Variants in ST8SIA5 observed in about 807,000 individuals in gnomAD.
The protein encoded by ST8SIA5 is alpha-2,8-sialyltransferase 8E.
In ST8SIA5, 24 loss-of-function variants were observed where a neutral mutation model predicts 40.2. The observed-to-expected ratio is 0.60, with a 90% CI of 0.43 to 0.84. ST8SIA5 has a LOEUF of 0.84. Among genes scored for constraint, ST8SIA5 ranks in the 40% least tolerant of loss-of-function variants. The probability of loss-of-function intolerance (pLI) is 0.00; values close to 1 mark genes in which losing one functional copy is unlikely to be tolerated. For missense variants in ST8SIA5, 465 were observed against 498.5 expected, an observed-to-expected ratio of 0.93 and a Z score of 0.64; for synonymous variants, 198 against 201.8, an observed-to-expected ratio of 0.98 and a Z score of 0.16.
intron 6 of ST8SIA5, among the ~76,000 whole-genome samples, chr18:46,680,759 G>A (rs138143336): frequency 1.3e-5 from 2 of 152,302 alleles, no homozygotes; most frequent in East Asian, 3.9e-4. Flanking sequence ...GTGGCTGCAG[G>A]GGGCAGGGCA....
At chr18:46,734,003 C>T (rs2040009749) in intron 1 of ST8SIA5, among the ~76,000 whole-genome samples, 1 of 152,120 alleles carries the variant, frequency 6.6e-6, no homozygotes, top group Non-Finnish European at 1.5e-5. Context: ...GGGGCTCTGA[C>T]CGCCCTTCCC....
At chr18:46,694,440 G>C (rs1249241128) in intron 2 of ST8SIA5, among the ~76,000 whole-genome samples, 1 of 152,108 alleles carries the variant, frequency 6.6e-6, no homozygotes, top group Non-Finnish European at 1.5e-5. Context: ...GCGAAATGCA[G>C]ACAGATCATA....
intron 1 of ST8SIA5, among the ~76,000 whole-genome samples, chr18:46,748,696 G>A (rs1249700479): frequency 1.3e-5 from 2 of 151,200 alleles, no homozygotes; most frequent in Non-Finnish European, 2.9e-5. Flanking sequence ...ACAGTGAGAT[G>A]TCACCTCAAA....
intron 1 of ST8SIA5, among the ~76,000 whole-genome samples, chr18:46,734,935 TGA>T: frequency 6.6e-6 from 1 of 152,352 alleles, no homozygotes; most frequent in South Asian, 2.1e-4. Context: ...AGTGTGTCTG[TGA>T]GAGTGTTGCC....
chr18:46,697,543 AT>A (rs1379896858), intron 2 of ST8SIA5, among the ~76,000 whole-genome samples: 8 of 152,150 alleles, frequency 5.3e-5, no homozygotes, highest in Admixed American at 5.2e-4. Flanking sequence ...CTACAAAAAA[AT>A]GTTTGAAAAA....
chr18:46,740,187 T>C (rs1599148856), intron 1 of ST8SIA5, among the ~76,000 whole-genome samples: 2 of 152,056 alleles, frequency 1.3e-5, no homozygotes, highest in Admixed American at 6.6e-5. Context: ...TGATGAATAG[T>C]CTGGCAAGAA....
In ST8SIA5 at chr18:46,669,448, G is replaced by T. The variant is rs1425633411; in HGVS notation, c.*10594C>A. On this transcript the variant is annotated 3_prime_UTR_variant, in exon 7 of 7. Coordinates refer to ENST00000315087, the MANE Select transcript of ST8SIA5 (RefSeq NM_013305.6). ...CGCAGCGAAGTCCAGTAAGAAAATGGATGGTGAAGGTGTGGAGAAAGTAAA... is the reference window on the plus strand; with the variant it reads ...CGCAGCGAAGTCCAGTAAGAAAATGTATGGTGAAGGTGTGGAGAAAGTAAA... 6.6e-6 allele frequency: 1 copy of T among 152,194 alleles called. No homozygotes were observed. Among genetic ancestry groups the T allele is most frequent in the Non-Finnish European group, 1.5e-5 (1 of 68,046 alleles). 9.4% of individuals were successfully genotyped at this position (152,194 alleles called of 1,614,324 possible).
intron 1 of ST8SIA5, among the ~76,000 whole-genome samples, chr18:46,728,924 T>C (rs2039958858): frequency 6.6e-6 from 1 of 152,014 alleles, no homozygotes; most frequent in Admixed American, 6.6e-5. Context: ...TCCAGAACCT[T>C]CCAAGACTGC....
rs993382813 is a variant in ST8SIA5, at chr18:46,678,260, A to C, written c.*1782T>G. ...AGAGCTCAGAATGCAGGTGAGAGTC[A>C]GCACTGAGAACAGTGTTGTGCACAG... is the stretch of plus-strand genomic sequence containing the variant. On this transcript the variant is annotated 3_prime_UTR_variant, in exon 7 of 7. Transcript: ENST00000315087. The C allele has an allele frequency of 2.6e-5, 4 of 152,304 alleles. No individual in the cohort carries two copies. Among genetic ancestry groups the C allele is most frequent in the Non-Finnish European group, 4.4e-5 (3 of 68,082 alleles). 9.4% of individuals were successfully genotyped at this position (152,304 alleles called of 1,614,324 possible). A position where few individuals can be genotyped will look rare whatever the true frequency, so the allele number is the denominator to read the frequency against.
chr18:46,730,926 A>C (rs892775524), intron 1 of ST8SIA5, among the ~76,000 whole-genome samples: 1 of 152,190 alleles, frequency 6.6e-6, no homozygotes, highest in Non-Finnish European at 1.5e-5. Context: ...GGCTGCACTG[A>C]GCTATGATTG....
chr18:46,741,544 T>C (rs2040086493), intron 1 of ST8SIA5, among the ~76,000 whole-genome samples: 1 of 152,202 alleles, frequency 6.6e-6, no homozygotes, highest in Non-Finnish European at 1.5e-5. Flanking sequence ...AGACTGATTT[T>C]AAAACCAGGC....
At chr18:46,688,747 C>T (rs750450526) in intron 4 of ST8SIA5, 28 bp downstream of exon 4, 3 of 1,598,052 alleles carry the variant, frequency 1.9e-6, no homozygotes, top group East Asian at 2.2e-5. Context: ...CCTCGCCCCA[C>T]CCAGACCGCC....
At chr18:46,734,945 G>A (rs538965892) in intron 1 of ST8SIA5, among the ~76,000 whole-genome samples, 1 of 152,196 alleles carries the variant, frequency 6.6e-6, no homozygotes, top group Non-Finnish European at 1.5e-5. Context: ...TGAGAGTGTT[G>A]CCAAAGGAGA....
rs2039366002 is a variant in ST8SIA5 at position 46,679,627 on chromosome 18, CTG to C, written c.*413_*414del. The C allele has an allele frequency of 4.4e-6, 1 of 229,492 alleles. No individual in the cohort carries two copies. Among genetic ancestry groups the C allele is most frequent in the Non-Finnish European group, 8.6e-6 (1 of 116,242 alleles). The allele number at this position is 229,492 out of a possible 1,614,324, so 14.2% of individuals were successfully genotyped here. On this transcript the variant is annotated 3_prime_UTR_variant, in exon 7 of 7. Transcript: ENST00000315087. ...GTGCTCAAGTGTCCTGTGAAGTGTCCTGTCTCCACTCTCAATTCCATTCTCTG... is the reference window on the plus strand; with the variant it reads ...GTGCTCAAGTGTCCTGTGAAGTGTCCTCTCCACTCTCAATTCCATTCTCTG...
In ST8SIA5 at chr18:46,748,812, C is replaced by T. The variant is rs118038634; in HGVS notation, c.131+7566G>A. ...ATGCTGGAGAAAATGTAAAATGATA[C>T]AGCCACCTTGGAGAACCCTGGCAGT... On this transcript the variant is annotated intron_variant, in intron 1 of 6. Coordinates refer to ENST00000315087, the MANE Select transcript of ST8SIA5 (RefSeq NM_013305.6). Among the ~76,000 whole-genome samples the T allele has an allele frequency of 2.2e-4, 33 of 152,024 alleles. 1 individual carries two copies. In the East Asian group the frequency reaches 5.6e-3, roughly 26 times the overall value.
chr18:46,742,299 G>A (rs751385095), intron 1 of ST8SIA5, among the ~76,000 whole-genome samples: 2 of 151,594 alleles, frequency 1.3e-5, no homozygotes, highest in Non-Finnish European at 2.9e-5. Context: ...ACTCAAAATG[G>A]GTCAAAGATC....
intron 1 of ST8SIA5, among the ~76,000 whole-genome samples, chr18:46,728,347 A>AG (rs1363982652): frequency 6.6e-6 from 1 of 152,218 alleles, no homozygotes; most frequent in Admixed American, 6.5e-5. Flanking sequence ...GGACACAGGA[A>AG]GGGGAGGAAG....
chr18:46,710,549 T>C (rs1423820114), intron 1 of ST8SIA5, among the ~76,000 whole-genome samples: 1 of 145,902 alleles, frequency 6.9e-6, no homozygotes, highest in Admixed American at 6.8e-5. Context: ...TTTCTCTCTT[T>C]TTTTTTTTTT....
chr18:46,687,635 G>C (rs1052213982), intron 4 of ST8SIA5, among the ~76,000 whole-genome samples: 1 of 152,022 alleles, frequency 6.6e-6, no homozygotes, highest in Admixed American at 6.6e-5. Context: ...ATTTGACGCC[G>C]CTCACCTGCA....
Sources: allele counts gnomAD v4.1 joint callset (sites outside exome capture counted in the v4.1 genomes callset), GRCh38; gene constraint gnomAD v4.1.1; transcripts MANE v1.5; gene names NCBI Gene and HGNC (gene_info 2026-07-23, HGNC 2026-07-21).